The following POTEC variants were observed in gnomAD, a reference collection of about 807,000 sequenced individuals.
POTEC encodes the protein POTE ankyrin domain family member C, also known as ANKRD26-like family B member 2.
Under a neutral mutation model 62.0 loss-of-function variants are expected in POTEC, and 35 were observed. The ratio of observed to expected loss-of-function variants is 0.56; its 90% CI spans 0.43 to 0.75. The LOEUF (loss-of-function observed/expected upper bound fraction) is 0.75. Among genes scored for constraint, POTEC ranks in the 30% least tolerant of loss-of-function variants. POTEC has a pLI of 0.00. For missense variants in POTEC, 472 were observed against 655.9 expected, an observed-to-expected ratio of 0.72 and a Z score of 3.06; for synonymous variants, 156 against 221.5, an observed-to-expected ratio of 0.70 and a Z score of 2.62.
At chr18:14,537,083 C>G (rs1461939774) in intron 3 of POTEC, among the ~76,000 whole-genome samples, 1 of 150,854 alleles carries the variant, frequency 6.6e-6, no homozygotes, top group Non-Finnish European at 1.5e-5. Context: ...AACCCACTAA[C>G]TCCCTCTCCC....
In POTEC at chr18:14,543,371, C is replaced by T; in HGVS notation, c.-225G>A. 1 of 732,378 alleles carries T rather than the reference C, an allele frequency of 1.4e-6. No homozygotes were observed. 45.4% of individuals were successfully genotyped at this position (732,378 alleles called of 1,614,324 possible). ...GCCCACCAGGGGGACCCAACGCCCACCCCAGGAAAGGCCAAGCCCCCCCTC... is the reference window on the plus strand; with the variant it reads ...GCCCACCAGGGGGACCCAACGCCCATCCCAGGAAAGGCCAAGCCCCCCCTC... On this transcript the variant is annotated 5_prime_UTR_variant, in exon 1 of 11. In the 5' UTR this introduces an upstream ATG that the reference lacks. Coordinates refer to ENST00000358970, the MANE Select transcript of POTEC (RefSeq NM_001137671.2).
Position 14,530,528 on chromosome 18 carries a change from T to C in POTEC, c.1081A>G (p.Lys361Glu). 1.3e-6 allele frequency: 2 copies of C among 1,594,964 alleles called. No individual in the cohort carries two copies. Among genetic ancestry groups the C allele is most frequent in the Non-Finnish European group, 1.7e-6 (2 of 1,169,992 alleles). Residue 361 changes from lysine to glutamate, a missense_variant, in exon 6 of 11, where the codon AAA becomes GAA. This residue lies in a region of POTEC where 83 missense variants were observed against 254.3 expected (regional missense o/e 0.33). Transcript: ENST00000358970. ...GAGATTTTTAGCATCTGTTTTTCTT[T>C]ATAGTCAGAAAGTAATTCACAAATT... ...HVICELLSDY[K>E]EKQMLKISSE...
At chr18:14,537,219 A>C (rs1240645606) in intron 3 of POTEC, among the ~76,000 whole-genome samples, 9 of 135,664 alleles carry the variant, frequency 6.6e-5, no homozygotes, top group East Asian at 2.8e-4. Flanking sequence ...ACAAAAAAAA[A>C]AAAAAACAAA....
rs1909908623 is a variant in POTEC at position 14,508,590 on chromosome 18, T to C, written c.*3308A>G. ...GTCAGGTCAGTTATTTTCTTCTTTA[T>C]ACTCACTATTTTGTCTGTTAGTTCC... On this transcript the variant is annotated 3_prime_UTR_variant, in exon 11 of 11. Coordinates refer to ENST00000358970, the MANE Select transcript of POTEC (RefSeq NM_001137671.2). 6.5e-6 allele frequency: 1 copy of C among 152,698 alleles called. No individual in the cohort carries two copies. The highest frequency in any genetic ancestry group is 2.1e-4 in the South Asian group (1 of 4,834). The allele number at this position is 152,698 out of a possible 1,614,324, so 9.5% of individuals were successfully genotyped here. A position where few individuals can be genotyped will look rare whatever the true frequency, so the allele number is the denominator to read the frequency against.
intron 7 of POTEC, among the ~76,000 whole-genome samples, chr18:14,524,559 G>A (rs1201913937): frequency 2.6e-5 from 4 of 151,976 alleles, no homozygotes; most frequent in Non-Finnish European, 2.9e-5. Flanking sequence ...CAAAGGTCTG[G>A]AATATGTTTT....
At chr18:14,540,931 C>T (rs376866024) in intron 1 of POTEC, among the ~76,000 whole-genome samples, 2 of 151,930 alleles carry the variant, frequency 1.3e-5, no homozygotes, top group African/African-American at 4.8e-5. Flanking sequence ...CACTCCATCA[C>T]CCAGGCTGGA....
intron 9 of POTEC, among the ~76,000 whole-genome samples, chr18:14,517,560 T>G (rs1268443504): frequency 2.5e-5 from 1 of 40,604 alleles, no homozygotes; most frequent in Admixed American, 1.7e-4. Context: ...TTTTTTTTTT[T>G]TTTAAAATAA....
At chr18:14,536,791 C>G (rs1203650785) in intron 3 of POTEC, among the ~76,000 whole-genome samples, 3 of 151,970 alleles carry the variant, frequency 2.0e-5, no homozygotes. Context: ...CTGAAAACAC[C>G]ACAAAATTTT....
chr18:14,537,202 C>A (rs1277996101), intron 3 of POTEC, among the ~76,000 whole-genome samples: 14 of 82,526 alleles, frequency 1.7e-4, no homozygotes, highest in South Asian at 5.2e-4. Flanking sequence ...CACACACACA[C>A]ACACACACAA....
intron 6 of POTEC, among the ~76,000 whole-genome samples, chr18:14,527,124 TGA>T (rs1295695619): frequency 1.3e-5 from 2 of 152,146 alleles, no homozygotes; most frequent in Non-Finnish European, 2.9e-5. Flanking sequence ...ACACTGTGTT[TGA>T]GTCAGCAATA....
rs1909939781 is a variant in POTEC, at chr18:14,509,481, A to T, written c.*2417T>A. The T allele has an allele frequency of 2.0e-5, 3 of 151,848 alleles. No homozygotes were observed. Among genetic ancestry groups the T allele is most frequent in the Non-Finnish European group, 2.9e-5 (2 of 67,958 alleles). The allele number at this position is 151,848 out of a possible 1,614,324, so 9.4% of individuals were successfully genotyped here. A position where few individuals can be genotyped will look rare whatever the true frequency, so the allele number is the denominator to read the frequency against. On this transcript the variant is annotated 3_prime_UTR_variant, in exon 11 of 11. Transcript: ENST00000358970. ...GTGTGCTGCATTCCCATATGCTGTTAGGGCAAGTACAACAAAACCCACCTG... is the reference window on the plus strand; with the variant it reads ...GTGTGCTGCATTCCCATATGCTGTTTGGGCAAGTACAACAAAACCCACCTG...
chr18:14,543,239 T>A lies in POTEC; in HGVS notation c.-93A>T. The A allele has an allele frequency of 2.6e-6, 4 of 1,535,850 alleles. No homozygotes were observed. Among genetic ancestry groups the A allele is most frequent in the South Asian group, 2.4e-5 (2 of 82,918 alleles). The stretch of plus-strand genomic sequence containing the variant: ...CTAGCAGGAAACCCTGGGTTTCCAA[T>A]CTGTTTGAAGAGAAAGGTCAATCCC... On this transcript the variant is annotated 5_prime_UTR_variant, in exon 1 of 11. Coordinates refer to ENST00000358970, the MANE Select transcript of POTEC (RefSeq NM_001137671.2).
chr18:14,523,829 T>G (rs2143131314), intron 7 of POTEC, among the ~76,000 whole-genome samples: 1 of 152,258 alleles, frequency 6.6e-6, no homozygotes, highest in African/African-American at 2.4e-5. Context: ...TGGACTAAAC[T>G]TAATTTGTTA....
chr18:14,514,095 C>G (rs1274197422), intron 9 of POTEC, among the ~76,000 whole-genome samples: 1 of 151,484 alleles, frequency 6.6e-6, no homozygotes, highest in Non-Finnish European at 1.5e-5. Context: ...ATATAACTCG[C>G]CATCATGTAG....
At chr18:14,542,373 C>T (rs1905965751) in intron 1 of POTEC, among the ~76,000 whole-genome samples, 1 of 152,006 alleles carries the variant, frequency 6.6e-6, no homozygotes, top group African/African-American at 2.4e-5. Context: ...CTTAATTTTG[C>T]GAGTTAAATC....
intron 6 of POTEC, chr18:14,529,072 G>A: frequency 2.2e-6 from 1 of 453,152 alleles, no homozygotes; most frequent in South Asian, 1.6e-5. Flanking sequence ...CACTCTGCAT[G>A]CTTACCTTGA....
intron 3 of POTEC, among the ~76,000 whole-genome samples, chr18:14,537,541 A>T (rs1905783548): frequency 6.6e-6 from 1 of 152,200 alleles, no homozygotes; most frequent in Non-Finnish European, 1.5e-5. Flanking sequence ...AAAATTGAAA[A>T]AAAAAAGTAT....
At chr18:14,528,919 C>G in intron 6 of POTEC, 1 of 454,234 alleles carries the variant, frequency 2.2e-6, no homozygotes, top group South Asian at 1.6e-5. Flanking sequence ...AAGGTTCACT[C>G]AGCATCTTGC....
rs1184438899 is a variant in POTEC at position 14,524,924 on chromosome 18, T to A, written c.1186A>T (p.Ser396Cys). 1 of 1,605,634 alleles carries A rather than the reference T, an allele frequency of 6.2e-7. No homozygotes were observed. The highest frequency in any genetic ancestry group is 1.3e-5 in the African/African-American group (1 of 74,398). ...ESQRLKVSEN[S>C]QPEKMSQEPE... ...AAAATTTTCCATGCCTCTGGCTGGC[T>A]ATTTTCACTGACTTTAAGCCTTTGT... is the stretch of plus-strand genomic sequence containing the variant. Residue 396 changes from serine to cysteine, a missense_variant, in exon 7 of 11, where the codon AGC becomes TGC. Ser to Cys is a moderately radical substitution (Grantham distance 112). Around this residue, in one of 5 missense-constraint regions of POTEC, gnomAD observed 83 missense variants for 254.3 expected, o/e 0.33. Coordinates refer to ENST00000358970, the MANE Select transcript of POTEC (RefSeq NM_001137671.2).
Sources: gnomAD v4.1 joint callset for allele counts (sites outside exome capture counted in the v4.1 genomes callset) on GRCh38, gnomAD v4.1.1 for gene constraint, gnomAD v4.1.1 regional missense constraint, MANE v1.5 for transcripts, NCBI Gene and HGNC (gene_info 2026-07-23, HGNC 2026-07-21) for gene names.